RBM47: variants seen among roughly 807,000 people sequenced by gnomAD.
The protein encoded by RBM47 is RNA-binding protein 47.
In RBM47, 21 loss-of-function variants were observed where a neutral mutation model predicts 47.1. The observed-to-expected ratio is 0.45, with a 90% confidence interval of 0.32 to 0.64. The LOEUF is 0.64. Among genes scored for constraint, RBM47 ranks in the 30% least tolerant of loss-of-function variants. The pLI, the probability that RBM47 is intolerant of heterozygous loss-of-function variation, is 0.05. For synonymous variants in RBM47, 375 were observed against 361.7 expected (o/e 1.04, Z -0.42); for missense variants, 708 against 870.9 (o/e 0.81, Z 2.35).
chr4:40,616,874 CTTTTTTTTTTT>C (rs1300005872), intron 1 of RBM47, among the ~76,000 whole-genome samples: 1 of 111,668 alleles, frequency 9.0e-6, no homozygotes, highest in Non-Finnish European at 1.7e-5. Flanking sequence ...ATTTTCTTTT[CTTTTTTTTTTT>C]TTTTTTTTGA....
intron 3 of RBM47, among the ~76,000 whole-genome samples, chr4:40,466,332 A>G (rs1476914088): frequency 1.3e-5 from 2 of 151,954 alleles, no homozygotes; most frequent in South Asian, 2.1e-4. Flanking sequence ...GTTAAGGGTC[A>G]GATTTATAAG....
intron 2 of RBM47, among the ~76,000 whole-genome samples, chr4:40,501,835 CT>C (rs1723416023): frequency 6.6e-6 from 1 of 152,172 alleles, no homozygotes; most frequent in South Asian, 2.1e-4. Context: ...GTGTGATCAA[CT>C]TTTCTCAAGA....
intron 1 of RBM47, among the ~76,000 whole-genome samples, chr4:40,616,952 T>G (rs1259767321): frequency 6.8e-6 from 1 of 146,596 alleles, no homozygotes; most frequent in Non-Finnish European, 1.5e-5. Flanking sequence ...CTTGGCTCAC[T>G]GCAACCTCCG....
intron 2 of RBM47, among the ~76,000 whole-genome samples, chr4:40,510,403 T>G (rs1047002920): frequency 9.9e-5 from 15 of 152,232 alleles, no homozygotes; most frequent in African/African-American, 3.6e-4. Flanking sequence ...TGGTACATAT[T>G]TTTGAACACG....
At chr4:40,455,847 T>C (rs1404830144) in intron 3 of RBM47, among the ~76,000 whole-genome samples, 2 of 152,216 alleles carry the variant, frequency 1.3e-5, no homozygotes, top group African/African-American at 4.8e-5. Flanking sequence ...CAAGAATAAA[T>C]GTTTTTCAAG....
At chr4:40,574,158 G>C (rs1732066755) in intron 1 of RBM47, among the ~76,000 whole-genome samples, 1 of 152,162 alleles carries the variant, frequency 6.6e-6, no homozygotes, top group African/African-American at 2.4e-5. Context: ...GTTGTTGTGG[G>C]TTATTAGACT....
chr4:40,622,569 G>A (rs1474351025), intron 1 of RBM47, among the ~76,000 whole-genome samples: 3 of 152,172 alleles, frequency 2.0e-5, no homozygotes, highest in South Asian at 2.1e-4. Flanking sequence ...GGACTGACAC[G>A]AGCTGACTTC....
intron 1 of RBM47, among the ~76,000 whole-genome samples, chr4:40,600,441 T>A (rs1735150011): frequency 6.7e-6 from 1 of 148,674 alleles, no homozygotes; most frequent in East Asian, 2.1e-4. Context: ...GAGACCATGC[T>A]GGCTAACGTG....
chr4:40,472,562 CAAA>C (rs11403447), intron 2 of RBM47, among the ~76,000 whole-genome samples: 4 of 126,496 alleles, frequency 3.2e-5, no homozygotes, highest in Non-Finnish European at 3.5e-5. Flanking sequence ...TGCTCTGTCT[CAAA>C]AAAAAAAAAA....
intron 2 of RBM47, among the ~76,000 whole-genome samples, chr4:40,477,881 A>G (rs1462900921): frequency 1.3e-5 from 2 of 152,160 alleles, no homozygotes; most frequent in Non-Finnish European, 2.9e-5. Flanking sequence ...AAAATATAGA[A>G]AAGTACACAG....
At chr4:40,495,939 G>A (rs1722508807) in intron 2 of RBM47, among the ~76,000 whole-genome samples, 1 of 152,108 alleles carries the variant, frequency 6.6e-6, no homozygotes, top group African/African-American at 2.4e-5. Context: ...CTTACATGCT[G>A]CCCTGAAAAG....
intron 1 of RBM47, among the ~76,000 whole-genome samples, chr4:40,624,860 C>CTTTTTTTTTT (rs1172791380): frequency 1.7e-3 from 199 of 119,470 alleles, no homozygotes; most frequent in Middle Eastern, 5.5e-3. Context: ...TTTTCTTTTT[C>CTTTTTTTTTT]TTTTTTTTTT....
At chr4:40,621,792 G>A (rs1352842704) in intron 1 of RBM47, among the ~76,000 whole-genome samples, 3 of 152,216 alleles carry the variant, frequency 2.0e-5, no homozygotes, top group African/African-American at 7.2e-5. Flanking sequence ...TGCCAAAGAG[G>A]AGGCTTTGAT....
chr4:40,536,752 G>A (rs1347578129), intron 2 of RBM47, among the ~76,000 whole-genome samples: 1 of 151,226 alleles, frequency 6.6e-6, no homozygotes, highest in African/African-American at 2.4e-5. Context: ...TGTTGACAGA[G>A]TCTCGCTCTG....
At chr4:40,473,494 T>C (rs1719202899) in intron 2 of RBM47, among the ~76,000 whole-genome samples, 1 of 152,198 alleles carries the variant, frequency 6.6e-6, no homozygotes, top group Non-Finnish European at 1.5e-5. Flanking sequence ...AATGGCAAAT[T>C]CATGAATTGT....
intron 1 of RBM47, among the ~76,000 whole-genome samples, chr4:40,591,572 C>T (rs755529065): frequency 6.6e-6 from 1 of 151,958 alleles, no homozygotes; most frequent in African/African-American, 2.4e-5. Context: ...CATGACCTTG[C>T]AATCCCAGCT....
At chr4:40,490,113 G>A (rs1357171708) in intron 2 of RBM47, among the ~76,000 whole-genome samples, 1 of 152,062 alleles carries the variant, frequency 6.6e-6, no homozygotes, top group East Asian at 1.9e-4. Flanking sequence ...ACATATTAAA[G>A]CAGAAGGGAA....
chr4:40,579,816 C>T (rs1274759806), intron 1 of RBM47, among the ~76,000 whole-genome samples: 1 of 151,908 alleles, frequency 6.6e-6, no homozygotes, highest in Admixed American at 6.6e-5. Flanking sequence ...GGCACAATCA[C>T]AGCTCACTGC....
chr4:40,468,431 A>C (rs1718375653), intron 2 of RBM47, among the ~76,000 whole-genome samples: 1 of 152,244 alleles, frequency 6.6e-6, no homozygotes, highest in Non-Finnish European at 1.5e-5. Context: ...TGCAGAAACA[A>C]CACCAATAAA....
Sources: allele counts gnomAD v4.1 joint callset (sites outside exome capture counted in the v4.1 genomes callset), GRCh38; gene constraint gnomAD v4.1.1; transcripts MANE v1.5; gene names NCBI Gene and HGNC (gene_info 2026-07-23, HGNC 2026-07-21).